ADAMTS15: variants seen among roughly 807,000 people sequenced by gnomAD.
ADAMTS15 encodes the protein A disintegrin and metalloproteinase with thrombospondin motifs 15.
ADAMTS15 carries 35 observed loss-of-function variants against 79.1 expected under a neutral mutation model. The ratio of observed to expected loss-of-function variants is 0.44; its 90% CI spans 0.34 to 0.59. The LOEUF is 0.59. Ranked by LOEUF, ADAMTS15 falls within the 20% of genes least tolerant of loss-of-function variation. ADAMTS15 has a pLI of 0.02. For missense variants in ADAMTS15, 1,324 were observed against 1,318.7 expected, an observed-to-expected ratio of 1.00 and a Z score of -0.06; for synonymous variants, 616 against 567.3, an observed-to-expected ratio of 1.09 and a Z score of -1.22.
At chr11:130,457,230 C>CA (rs397816239) in intron 1 of ADAMTS15, among the ~76,000 whole-genome samples, 28,933 of 116,138 alleles carry the variant, frequency 0.25, 3,993 homozygotes, top group African/African-American at 0.45. Context: ...GACTCAGTCT[C>CA]AAAAAAAAAA....
intron 7 of ADAMTS15, 38 bp from the exon 8 acceptor site, chr11:130,473,009 G>T (rs78342979): frequency 2.5e-6 from 4 of 1,604,964 alleles, no homozygotes; most frequent in Non-Finnish European, 3.4e-6. Flanking sequence ...TCAGGTCCAG[G>T]CTTCTATCTG....
chr11:130,453,540 C>T (rs57779270), intron 1 of ADAMTS15, among the ~76,000 whole-genome samples: 19,077 of 152,066 alleles, frequency 0.13, 1,298 homozygotes, highest in African/African-American at 0.16. Flanking sequence ...TCAAGTAATA[C>T]TCCCACCTCA....
At chr11:130,464,757 T>TG (rs1417400350) in intron 4 of ADAMTS15, among the ~76,000 whole-genome samples, 1 of 152,034 alleles carries the variant, frequency 6.6e-6, no homozygotes, top group Non-Finnish European at 1.5e-5. Flanking sequence ...CCTTGAGCCC[T>TG]GGAGTTTGAG....
intron 1 of ADAMTS15, among the ~76,000 whole-genome samples, chr11:130,453,542 C>T (rs1938012528): frequency 6.6e-6 from 1 of 152,112 alleles, no homozygotes; most frequent in Admixed American, 6.6e-5. Context: ...AAGTAATACT[C>T]CCACCTCAGT....
intron 4 of ADAMTS15, among the ~76,000 whole-genome samples, chr11:130,468,529 G>A (rs1592149400): frequency 6.6e-6 from 1 of 152,234 alleles, no homozygotes; most frequent in African/African-American, 2.4e-5. Flanking sequence ...ACTTTGGGAG[G>A]CCGAGGCGGG....
At chr11:130,452,735 C>T (rs796564641) in intron 1 of ADAMTS15, among the ~76,000 whole-genome samples, 4 of 152,330 alleles carry the variant, frequency 2.6e-5, no homozygotes, top group African/African-American at 9.6e-5. Flanking sequence ...GTAATCCCAG[C>T]ACTTTGGGAG....
At chr11:130,458,261 C>T (rs561231617) in intron 1 of ADAMTS15, among the ~76,000 whole-genome samples, 29 of 152,194 alleles carry the variant, frequency 1.9e-4, no homozygotes, top group African/African-American at 4.3e-4. Context: ...GGTCTTGTTA[C>T]GCTGCCCAGG....
In ADAMTS15 at chr11:130,476,631, A is replaced by G. The variant is rs1938594156; in HGVS notation, c.*2810A>G. 1 of 152,272 alleles carries G rather than the reference A, an allele frequency of 6.6e-6. No individual in the cohort carries two copies. The highest frequency in any genetic ancestry group is 6.5e-5 in the Admixed American group (1 of 15,270). The allele number at this position is 152,272 out of a possible 1,614,324, so 9.4% of individuals were successfully genotyped here. On this transcript the variant is annotated 3_prime_UTR_variant, in exon 8 of 8. Transcript: ENST00000299164. ...ACAGCCTTCTCCTAATAAAGCTGTA[A>G]GTATTTAAAACCTGTGTCCTGCCTC...
In ADAMTS15 at chr11:130,449,113, A is replaced by C. The variant is rs763689354; in HGVS notation, c.140A>C (p.Asp47Ala). The C allele has an allele frequency of 6.3e-7, 1 of 1,585,582 alleles. No individual in the cohort carries two copies. The highest frequency in any genetic ancestry group is 1.7e-5 in the Admixed American group (1 of 57,996). The change falls in exon 1 of 8, where the codon GAC becomes GCC. Residue 47 changes from aspartate to alanine, a missense_variant. By Grantham distance (126) the Asp-to-Ala change is moderately radical. Transcript: ENST00000299164. This position sits in a 1 kb window ranked among gnomAD's most constrained non-coding sequence, Gnocchi z 7.8. ...GRRYYWRGPE[D>A]SGDQGLIFQI... ...CGCTACTACTGGCGGGGTCCCGAGG[A>C]CTCCGGGGATCAGGGACTCATTTTT...
chr11:130,453,485 C>T (rs1387518177), intron 1 of ADAMTS15, among the ~76,000 whole-genome samples: 3 of 151,948 alleles, frequency 2.0e-5, no homozygotes, highest in Admixed American at 6.6e-5. Context: ...GGGTCTCATT[C>T]TGTCACCCAG....
In ADAMTS15 at chr11:130,471,241, A is replaced by C; in HGVS notation, c.1936A>C (p.Thr646Pro). 6.2e-7 allele frequency: 1 copy of C among 1,608,480 alleles called. No homozygotes were observed. Among genetic ancestry groups the C allele is most frequent in the Non-Finnish European group, 8.5e-7 (1 of 1,178,260 alleles). ...VDGTLCSPDS[T>P]SVCVQGKCIK... ...CGGCACGCTGTGCTCTCCTGACTCC[A>C]CCTCCGTCTGTGTCCAAGGCAAGTG... The change falls in exon 7 of 8, where the codon ACC becomes CCC. Residue 646 changes from threonine to proline, a missense_variant. Coordinates refer to ENST00000299164, the MANE Select transcript of ADAMTS15 (RefSeq NM_139055.4).
chr11:130,458,022 A>T (rs1938123252), intron 1 of ADAMTS15, among the ~76,000 whole-genome samples: 1 of 152,124 alleles, frequency 6.6e-6, no homozygotes, highest in South Asian at 2.1e-4. Context: ...CTTGATGGAA[A>T]GAACAGGTTG....
Position 130,475,871 on chromosome 11 carries a change from G to A in ADAMTS15, c.*2050G>A, listed in dbSNP as rs1267080373. 1.3e-5 allele frequency: 2 copies of A among 151,338 alleles called. No homozygotes were observed. Among genetic ancestry groups the A allele is most frequent in the Non-Finnish European group, 2.9e-5 (2 of 67,918 alleles). 9.4% of individuals were successfully genotyped at this position (151,338 alleles called of 1,614,324 possible). A position where few individuals can be genotyped will look rare whatever the true frequency, so the allele number is the denominator to read the frequency against. On this transcript the variant is annotated 3_prime_UTR_variant, in exon 8 of 8. Coordinates refer to ENST00000299164, the MANE Select transcript of ADAMTS15 (RefSeq NM_139055.4). ...AGGAGGAGAGGGTGGCATGGGGTCT[G>A]TGCGGGATGGCAGGGGGATTGGGTG...
chr11:130,469,369 C>A lies in ADAMTS15; in HGVS notation c.1650C>A (p.Asn550Lys), dbSNP rs373357559. The change falls in exon 5 of 8, where the codon AAC (asparagine) becomes AAA (lysine). Residue 550 changes from asparagine to lysine, a missense_variant. By Grantham distance (94) the Asn-to-Lys change is moderately conservative. Coordinates refer to ENST00000299164, the MANE Select transcript of ADAMTS15 (RefSeq NM_139055.4). Reference sequence around the variant, plus strand: ...AGTGCACCAACCCCACCCCTGCCAACGGGGGCAAGTACTGCGAGGGAGTGA... The same window carrying A: ...AGTGCACCAACCCCACCCCTGCCAAAGGGGGCAAGTACTGCGAGGGAGTGA... ...RRQCTNPTPA[N>K]GGKYCEGVRV... 1.5e-6 allele frequency: 2 copies of A among 1,361,924 alleles called. No homozygotes were observed. Among genetic ancestry groups the A allele is most frequent in the East Asian group, 2.8e-5 (1 of 35,844 alleles). 84.4% of individuals were successfully genotyped at this position (1,361,924 alleles called of 1,614,324 possible).
At position 130,462,859 on chromosome 11, in the gene ADAMTS15, T is replaced by C; in HGVS notation, c.1542+79T>C. 1 of 1,520,000 alleles carries C rather than the reference T, an allele frequency of 6.6e-7. No individual in the cohort carries two copies. The highest frequency in any genetic ancestry group is 2.3e-5 in the East Asian group (1 of 43,870). The allele number at this position is 1,520,000 out of a possible 1,614,324, so 94.2% of individuals were successfully genotyped here. A position where few individuals can be genotyped will look rare whatever the true frequency, so the allele number is the denominator to read the frequency against. ...CCGGGGGCCTCGTCTGCCCTTGGTC[T>C]TCACCAGGAAGGTGCCTATCACAGA... is the stretch of plus-strand genomic sequence containing the variant. On this transcript the variant is annotated intron_variant, in intron 4 of 7. Coordinates refer to ENST00000299164, the MANE Select transcript of ADAMTS15 (RefSeq NM_139055.4). This position sits in a 1 kb window ranked among gnomAD's most constrained non-coding sequence, Gnocchi z 4.3.
At chr11:130,470,206 A>ATATATATATATG (rs1565397932) in intron 5 of ADAMTS15, among the ~76,000 whole-genome samples, 9 of 64,024 alleles carry the variant, frequency 1.4e-4, no homozygotes, top group Non-Finnish European at 2.8e-4. Context: ...ATATATATAT[A>ATATATATATATG]TATGTATATA....
rs901520875 is a variant in ADAMTS15 at position 130,450,464 on chromosome 11, G to A, written c.957+534G>A. 6.1e-6 allele frequency: 6 copies of A among 983,220 alleles called. No homozygotes were observed. The African/African-American group carries it at 8.7e-5, about 14-fold the overall frequency. 60.9% of individuals were successfully genotyped at this position (983,220 alleles called of 1,614,324 possible). A position where few individuals can be genotyped will look rare whatever the true frequency, so the allele number is the denominator to read the frequency against. ...GTACTGGGCCTGGAAAGCCTGGATT[G>A]GGGTGGAGGGAATCATTGAGAGATT... is the stretch of plus-strand genomic sequence containing the variant. On this transcript the variant is annotated intron_variant, in intron 1 of 7. Transcript: ENST00000299164.
At position 130,462,160 on chromosome 11, in the gene ADAMTS15, C is replaced by T. The variant is rs768435532; in HGVS notation, c.1164C>T (p.His388=). The T allele has an allele frequency of 3.7e-6, 6 of 1,614,086 alleles. No individual in the cohort carries two copies. The highest frequency in any genetic ancestry group is 2.7e-5 in the African/African-American group (2 of 74,942). The change falls in exon 3 of 8, where the codon CAC becomes CAT. Residue 388 remains histidine, a synonymous_variant. Coordinates refer to ENST00000299164, the MANE Select transcript of ADAMTS15 (RefSeq NM_139055.4). The surrounding 1 kb of genome is among the most constrained non-coding windows in gnomAD (Gnocchi z 4.3). Reference sequence around the variant, plus strand: ...TGTTTGGGAAGCTCCGAGCCAACCACATGATGTCCCCGACCCTCATCCAGA... The same window carrying T: ...TGTTTGGGAAGCTCCGAGCCAACCATATGATGTCCCCGACCCTCATCCAGA... ...EEVFGKLRAN[H]MMSPTLIQID... is the part of the protein sequence containing the mutation.
At chr11:130,467,843 T>C (rs1938334180) in intron 4 of ADAMTS15, among the ~76,000 whole-genome samples, 2 of 152,088 alleles carry the variant, frequency 1.3e-5, no homozygotes, top group Non-Finnish European at 2.9e-5. Context: ...AACCGAGTTT[T>C]AGGATTGCTT....
Sources: allele counts gnomAD v4.1 joint callset (sites outside exome capture counted in the v4.1 genomes callset), GRCh38; gene constraint gnomAD v4.1.1; non-coding constraint Gnocchi (gnomAD v3.1); transcripts MANE v1.5; gene names NCBI Gene and HGNC (gene_info 2026-07-23, HGNC 2026-07-21).